Variants in APBB2 observed in about 807,000 individuals in gnomAD.
APBB2 encodes the protein amyloid beta precursor protein binding family B member 2, also known as Fe65-like 1.
In APBB2, 38 loss-of-function variants were observed where a neutral mutation model predicts 82.5. That is an observed-to-expected ratio of 0.46 (90% CI 0.36 to 0.60). The LOEUF (loss-of-function observed/expected upper bound fraction) is 0.60. APBB2 is among the 20% of genes least tolerant of loss of function. The pLI is 0.00. For synonymous variants in APBB2, 341 were observed against 368.2 expected, an observed-to-expected ratio of 0.93 and a Z score of 0.85; for missense variants, 772 against 972.3, an observed-to-expected ratio of 0.79 and a Z score of 2.74.
At chr4:40,900,641 G>C (rs13135619) in intron 10 of APBB2, among the ~76,000 whole-genome samples, 35,864 of 151,576 alleles carry the variant, frequency 0.24, 5,222 homozygotes, top group East Asian at 0.54. Flanking sequence ...ATTTTTAGTA[G>C]AGACAGGGTT....
At chr4:40,978,937 A>C (rs988919680) in intron 6 of APBB2, among the ~76,000 whole-genome samples, 1 of 144,520 alleles carries the variant, frequency 6.9e-6, no homozygotes, top group Non-Finnish European at 1.5e-5. Flanking sequence ...TTTTTTTTTT[A>C]AAAGAAAACT....
intron 10 of APBB2, among the ~76,000 whole-genome samples, chr4:40,920,246 CCT>C (rs1174885783): frequency 1.3e-5 from 2 of 152,098 alleles, no homozygotes; most frequent in Non-Finnish European, 2.9e-5. Context: ...CCCTGCACAC[CCT>C]CTCTCTTTCC....
intron 1 of APBB2, among the ~76,000 whole-genome samples, chr4:41,201,848 G>A (rs1312723465): frequency 6.6e-6 from 1 of 152,196 alleles, no homozygotes; most frequent in Non-Finnish European, 1.5e-5. Flanking sequence ...GTGCAAGTCA[G>A]TAATATACAC....
chr4:40,961,324 T>C (rs531165821), intron 6 of APBB2, among the ~76,000 whole-genome samples: 1 of 151,830 alleles, frequency 6.6e-6, no homozygotes, highest in Non-Finnish European at 1.5e-5. Context: ...AACACAAACA[T>C]ATAGACATCT....
Position 40,812,839 on chromosome 4 carries a change from A to AGAT in APBB2, c.*3250_*3252dup, listed in dbSNP as rs1175107468. The AGAT allele has an allele frequency of 6.6e-6, 1 of 152,294 alleles. No homozygotes were observed. Among genetic ancestry groups the AGAT allele is most frequent in the African/African-American group, 2.4e-5 (1 of 41,478 alleles). The allele number at this position is 152,294 out of a possible 1,614,324, so 9.4% of individuals were successfully genotyped here. On this transcript the variant is annotated 3_prime_UTR_variant, in exon 18 of 18. Coordinates refer to ENST00000508593, the MANE Select transcript of APBB2 (RefSeq NM_004307.2). ...CTAATGTCCCTTCATGCAACAAGAC[A>AGAT]GATGAACAAAAAACAATGGTCCTAA...
intron 4 of APBB2, among the ~76,000 whole-genome samples, chr4:41,040,299 G>A (rs941440478): frequency 4.6e-5 from 7 of 152,082 alleles, no homozygotes; most frequent in African/African-American, 1.4e-4. Context: ...CTTACTTTAA[G>A]GTTTTAAACA....
intron 6 of APBB2, among the ~76,000 whole-genome samples, chr4:40,951,517 C>T (rs1223683163): frequency 6.6e-6 from 1 of 152,250 alleles, no homozygotes; most frequent in African/African-American, 2.4e-5. Flanking sequence ...GCAGCCATGG[C>T]TTGGTGCAAC....
intron 3 of APBB2, among the ~76,000 whole-genome samples, chr4:41,088,666 A>G (rs1006945161): frequency 6.6e-6 from 1 of 152,180 alleles, no homozygotes; most frequent in Non-Finnish European, 1.5e-5. Flanking sequence ...TGAAGTAGGG[A>G]TTGGATGGTC....
chr4:41,039,972 G>A (rs961495657), intron 4 of APBB2, among the ~76,000 whole-genome samples: 2 of 151,942 alleles, frequency 1.3e-5, no homozygotes, highest in Non-Finnish European at 2.9e-5. Context: ...CCTGGCATAA[G>A]TAAGTGCCCA....
At chr4:41,100,895 T>G (rs1017360420) in intron 2 of APBB2, 145 bp from the exon 3 acceptor site, 5 of 152,218 alleles carry the variant, frequency 3.3e-5, no homozygotes, top group Non-Finnish European at 7.3e-5. Flanking sequence ...AAATGTAAAC[T>G]ATTTTTCTTT....
chr4:41,093,580 G>A (rs770606821), intron 3 of APBB2, among the ~76,000 whole-genome samples: 3 of 152,114 alleles, frequency 2.0e-5, no homozygotes, highest in Non-Finnish European at 4.4e-5. Flanking sequence ...AGGGCCGGGC[G>A]CGGTGGCTCA....
chr4:40,832,739 G>C lies in APBB2; in HGVS notation c.1530-2162C>G, dbSNP rs1257852316. Among the ~76,000 whole-genome samples, 1 of 152,182 alleles carries C rather than the reference G, an allele frequency of 6.6e-6. No individual in the cohort carries two copies. ...CACACAGTACATACACGGGGGCACAGCAAGTGTCTGAGTGTGTCTTCCCCT... is the reference window on the plus strand; with the variant it reads ...CACACAGTACATACACGGGGGCACACCAAGTGTCTGAGTGTGTCTTCCCCT... On this transcript the variant is annotated intron_variant, in intron 12 of 17. Transcript: ENST00000508593. This position sits in a 1 kb window ranked among gnomAD's most constrained non-coding sequence, Gnocchi z 4.8.
intron 4 of APBB2, among the ~76,000 whole-genome samples, chr4:41,033,891 T>C (rs1003462373): frequency 1.3e-5 from 2 of 152,138 alleles, no homozygotes; most frequent in Non-Finnish European, 2.9e-5. Context: ...TAAACATAAA[T>C]CACTAGCTTC....
chr4:41,155,247 GT>G (rs1763165834), intron 1 of APBB2, among the ~76,000 whole-genome samples: 1 of 151,666 alleles, frequency 6.6e-6, no homozygotes, highest in South Asian at 2.1e-4. Context: ...CTGTTTTTTT[GT>G]TTTTGTTTTT....
chr4:41,057,232 C>T (rs1471357474), intron 4 of APBB2, among the ~76,000 whole-genome samples: 1 of 152,180 alleles, frequency 6.6e-6, no homozygotes, highest in Admixed American at 6.5e-5. Flanking sequence ...GGGCAGATCA[C>T]CTCAGGTCAG....
intron 4 of APBB2, among the ~76,000 whole-genome samples, chr4:41,057,208 T>C (rs571551192): frequency 3.6e-4 from 55 of 152,284 alleles, no homozygotes; most frequent in Admixed American, 2.9e-3. Flanking sequence ...CCCAGCACTT[T>C]GGGAGGCTGA....
intron 10 of APBB2, among the ~76,000 whole-genome samples, chr4:40,914,039 C>T (rs1779222773): frequency 1.3e-5 from 2 of 152,074 alleles, no homozygotes; most frequent in Non-Finnish European, 2.9e-5. Flanking sequence ...AGTTTGAGAC[C>T]AGCCTGGCCA....
intron 2 of APBB2, among the ~76,000 whole-genome samples, chr4:41,103,631 A>G (rs1172730886): frequency 6.6e-6 from 1 of 152,190 alleles, no homozygotes; most frequent in Non-Finnish European, 1.5e-5. Flanking sequence ...AAAAAAGACT[A>G]GAAAGAAAAA....
chr4:40,955,284 A>G (rs1365385342), intron 6 of APBB2, among the ~76,000 whole-genome samples: 2 of 152,240 alleles, frequency 1.3e-5, no homozygotes, highest in African/African-American at 4.8e-5. Context: ...TGAAAGAGGG[A>G]ACAGCAAGGG....
Sources: gnomAD v4.1 joint callset for allele counts (sites outside exome capture counted in the v4.1 genomes callset) on GRCh38, gnomAD v4.1.1 for gene constraint, Gnocchi (gnomAD v3.1) non-coding constraint, MANE v1.5 for transcripts, NCBI Gene and HGNC (gene_info 2026-07-23, HGNC 2026-07-21) for gene names.